The following RHOQ variants were observed in gnomAD, a reference collection of about 807,000 sequenced individuals.
RHOQ encodes the protein ras homolog family member Q.
A neutral mutation model predicts 25.8 loss-of-function variants in RHOQ; 7 were observed. The ratio of observed to expected loss-of-function variants is 0.27; its 90% CI spans 0.15 to 0.51. The LOEUF (loss-of-function observed/expected upper bound fraction) is 0.51, where lower values mean the gene tolerates loss of function less well. Ranked by LOEUF, RHOQ falls within the 20% of genes least tolerant of loss-of-function variation. RHOQ has a pLI of 0.97. For synonymous variants in RHOQ, 97 were observed against 98.6 expected (o/e 0.98, Z 0.10); for missense variants, 165 against 260.6 (o/e 0.63, Z 2.53).
In RHOQ at chr2:46,543,704, G is replaced by A. The variant is rs920957315; in HGVS notation, c.143-50G>A. ...GGGTGGGGAGCGAAATTGCCCCAGAGCCCAGGTCACTGTGAGCTTCTCTCC... is the reference window on the plus strand; with the variant it reads ...GGGTGGGGAGCGAAATTGCCCCAGAACCCAGGTCACTGTGAGCTTCTCTCC... On this transcript the variant is annotated intron_variant, in intron 1 of 4. Coordinates refer to ENST00000238738, the MANE Select transcript of RHOQ (RefSeq NM_012249.4). 3 of 1,569,900 alleles carry A rather than the reference G, an allele frequency of 1.9e-6. No homozygotes were observed. The East Asian group carries it at 6.8e-5, about 36-fold the overall frequency.
At chr2:46,572,021 T>C (rs1207890139) in intron 2 of RHOQ, among the ~76,000 whole-genome samples, 2 of 151,846 alleles carry the variant, frequency 1.3e-5, no homozygotes, top group African/African-American at 4.8e-5. Flanking sequence ...TACATTTCTC[T>C]GTGGCATTGG....
In RHOQ at chr2:46,576,500, GC is replaced by G; in HGVS notation, c.367-60del. 9.2e-7 allele frequency: 1 copy of G among 1,087,162 alleles called. No individual in the cohort carries two copies. Among genetic ancestry groups the G allele is most frequent in the Non-Finnish European group, 1.4e-6 (1 of 738,378 alleles). 67.3% of individuals were successfully genotyped at this position (1,087,162 alleles called of 1,614,324 possible). On this transcript the variant is annotated intron_variant, in intron 3 of 4. Coordinates refer to ENST00000238738, the MANE Select transcript of RHOQ (RefSeq NM_012249.4). The surrounding 1 kb of genome is among the most constrained non-coding windows in gnomAD (Gnocchi z 5.1). ...ATGTGGGAATTAAGTGGGATTACAT[GC>G]TTTGATTTTTCTTTAAAGATTTGTA...
intron 2 of RHOQ, among the ~76,000 whole-genome samples, chr2:46,553,711 C>G (rs1464330817): frequency 6.6e-6 from 1 of 151,962 alleles, no homozygotes; most frequent in African/African-American, 2.4e-5. Context: ...TCCCAAGTAG[C>G]TGGGACTACA....
In RHOQ at chr2:46,566,457, A is replaced by G. The variant is rs533827490; in HGVS notation, c.202-9630A>G. On this transcript the variant is annotated intron_variant, in intron 2 of 4. Coordinates refer to ENST00000238738, the MANE Select transcript of RHOQ (RefSeq NM_012249.4). This position sits in a 1 kb window ranked among gnomAD's most constrained non-coding sequence, Gnocchi z 4.2. Reference sequence around the variant, plus strand: ...ATCTAGATATATCCAGAATATATCTAGAATCCACCATTTCTCTAGCTGTCA... The same window carrying G: ...ATCTAGATATATCCAGAATATATCTGGAATCCACCATTTCTCTAGCTGTCA... 5.3e-5 allele frequency among the ~76,000 whole-genome samples: 8 copies of G among 152,286 alleles called. No homozygotes were observed. In the East Asian group the frequency reaches 1.5e-3, roughly 29 times the overall value.
chr2:46,572,145 CTCACTCTG>C (rs1226355179), intron 2 of RHOQ, among the ~76,000 whole-genome samples: 1 of 99,316 alleles, frequency 1.0e-5, no homozygotes, highest in Non-Finnish European at 1.8e-5. Flanking sequence ...GAGACAGGGT[CTCACTCTG>C]TCACCCAGGC....
chr2:46,570,650 G>A (rs903588548), intron 2 of RHOQ, among the ~76,000 whole-genome samples: 1 of 152,188 alleles, frequency 6.6e-6, no homozygotes, highest in Non-Finnish European at 1.5e-5. Flanking sequence ...TGGACTTCTC[G>A]CTAGAAACAG....
intron 2 of RHOQ, among the ~76,000 whole-genome samples, chr2:46,544,407 G>A (rs1667980126): frequency 6.6e-6 from 1 of 152,232 alleles, no homozygotes; most frequent in South Asian, 2.1e-4. Context: ...GGAAGGGTTA[G>A]GAGTTTAGAG....
At chr2:46,543,729 C>T (rs764224075) in intron 1 of RHOQ, 25 bp from the exon 2 acceptor site, 1 of 1,609,060 alleles carries the variant, frequency 6.2e-7, no homozygotes, top group Admixed American at 1.7e-5. Context: ...AGCTTCTCTC[C>T]CCGCCCCCAC....
At chr2:46,550,651 A>G (rs1240891230) in intron 2 of RHOQ, among the ~76,000 whole-genome samples, 13 of 152,256 alleles carry the variant, frequency 8.5e-5, no homozygotes, top group Admixed American at 2.0e-4. Context: ...GCTGTGAGAC[A>G]TCGGCCAGCC....
chr2:46,575,489 A>G (rs2104028479), intron 2 of RHOQ, among the ~76,000 whole-genome samples: 1 of 151,690 alleles, frequency 6.6e-6, no homozygotes, highest in South Asian at 2.1e-4. Flanking sequence ...TGAAGGTCTC[A>G]GTGAAGCTGT....
Position 46,583,799 on chromosome 2 carries a change from A to G in RHOQ, c.*2716A>G, listed in dbSNP as rs1156531657. Among the ~76,000 whole-genome samples, 1 of 152,188 alleles carries G rather than the reference A, an allele frequency of 6.6e-6. No homozygotes were observed. The highest frequency in any genetic ancestry group is 6.5e-5 in the Admixed American group (1 of 15,284). On this transcript the variant is annotated 3_prime_UTR_variant, in exon 5 of 5. Coordinates refer to ENST00000238738, the MANE Select transcript of RHOQ (RefSeq NM_012249.4). The stretch of plus-strand genomic sequence containing the variant: ...ACTGCTTCAAAAATATTTTACTGAC[A>G]TGAATTTTGCTAGTGAATACAAATA...
chr2:46,565,772 G>GC (rs1275716089), intron 2 of RHOQ, among the ~76,000 whole-genome samples: 1 of 152,250 alleles, frequency 6.6e-6, no homozygotes, highest in African/African-American at 2.4e-5. Flanking sequence ...GTAATAAGCT[G>GC]CGACCATGAG....
Position 46,546,494 on chromosome 2 carries a change from A to G in RHOQ, c.201+2682A>G, listed in dbSNP as rs1441514104. ...TATATGTGTATATATATATATATATATATATATATATATATATGTATATAC... is the reference window on the plus strand; with the variant it reads ...TATATGTGTATATATATATATATATGTATATATATATATATATGTATATAC... On this transcript the variant is annotated intron_variant, in intron 2 of 4. Transcript: ENST00000238738. Among the ~76,000 whole-genome samples, 12 of 19,904 alleles carry G rather than the reference A, an allele frequency of 6.0e-4. 3 individuals are homozygous for G. Among genetic ancestry groups the G allele is most frequent in the South Asian group, 2.2e-3 (1 of 448 alleles). The allele number at this position is 19,904 out of a possible 152,430, so 13.1% of individuals were successfully genotyped here.
chr2:46,562,316 C>T (rs1049943153), intron 2 of RHOQ, among the ~76,000 whole-genome samples: 1 of 151,916 alleles, frequency 6.6e-6, no homozygotes, highest in Non-Finnish European at 1.5e-5. Flanking sequence ...ACCACCTGTC[C>T]CGTTGCTGAC....
chr2:46,542,807 G>A lies in RHOQ; in HGVS notation c.-240G>A, dbSNP rs185801067. ...CGGGCGCCGAGTGGCGGGGGCAGCG[G>A]GCGGGCGCGGCGACCGGGGCCGGGG... is the stretch of plus-strand genomic sequence containing the variant. On this transcript the variant is annotated 5_prime_UTR_variant, in exon 1 of 5. Coordinates refer to ENST00000238738, the MANE Select transcript of RHOQ (RefSeq NM_012249.4). The A allele has an allele frequency of 0.28, 41,033 of 146,578 alleles. 6,347 individuals carry two copies. Among genetic ancestry groups the A allele is most frequent in the East Asian group, 0.71 (3,519 of 4,966 alleles). The allele number at this position is 146,578 out of a possible 1,614,324, so 9.1% of individuals were successfully genotyped here. A position where few individuals can be genotyped will look rare whatever the true frequency, so the allele number is the denominator to read the frequency against.
rs530204310 is a variant in RHOQ at position 46,552,331 on chromosome 2, A to T, written c.201+8519A>T. 1.3e-5 allele frequency among the ~76,000 whole-genome samples: 2 copies of T among 152,222 alleles called. No homozygotes were observed. Among genetic ancestry groups the T allele is most frequent in the South Asian group, 4.2e-4 (2 of 4,814 alleles). On this transcript the variant is annotated intron_variant, in intron 2 of 4. Transcript: ENST00000238738. This position sits in a 1 kb window ranked among gnomAD's most constrained non-coding sequence, Gnocchi z 5.0. ...AGTACGTGTGGAAGAAGCTCATGCC[A>T]TTTGCCTAAAGCTGTGGCCCCTTCC...
chr2:46,568,089 A>T (rs974727637), intron 2 of RHOQ, among the ~76,000 whole-genome samples: 1 of 152,086 alleles, frequency 6.6e-6, no homozygotes, highest in African/African-American at 2.4e-5. Flanking sequence ...AGTTTAAAAT[A>T]TGCACTAAAG....
rs901030325 is a variant in RHOQ at position 46,582,598 on chromosome 2, A to G, written c.*1515A>G. ...TCACATTTTTTCTAGCCTTTCCTAC[A>G]TTTAAACTTGCTGTTGCCCAAATTA... On this transcript the variant is annotated 3_prime_UTR_variant, in exon 5 of 5. Transcript: ENST00000238738. The G allele has an allele frequency of 3.3e-5, 5 of 152,594 alleles. No individual in the cohort carries two copies. Among genetic ancestry groups the G allele is most frequent in the African/African-American group, 4.8e-5 (2 of 41,464 alleles). 9.5% of individuals were successfully genotyped at this position (152,594 alleles called of 1,614,324 possible).
intron 4 of RHOQ, 199 bp from the exon 5 acceptor site, chr2:46,580,729 G>C (rs1572761316): frequency 2.4e-6 from 1 of 414,900 alleles, no homozygotes; most frequent in East Asian, 3.7e-5. Context: ...TATGTGGTGA[G>C]TGAAATAATT....
Sources: allele counts gnomAD v4.1 joint callset (sites outside exome capture counted in the v4.1 genomes callset), GRCh38; gene constraint gnomAD v4.1.1; non-coding constraint Gnocchi (gnomAD v3.1); transcripts MANE v1.5; gene names NCBI Gene and HGNC (gene_info 2026-07-23, HGNC 2026-07-21).